IL1RL2: variants seen among roughly 807,000 people sequenced by gnomAD.
IL1RL2 encodes interleukin 1 receptor like 2, also known as interleukin-1 receptor-like 2.
In IL1RL2, 68 loss-of-function variants were observed where a neutral mutation model predicts 66.8. That is an observed-to-expected ratio of 1.02 (90% confidence interval 0.84 to 1.25). IL1RL2 has a LOEUF of 1.25. IL1RL2 is among the 50% of genes most tolerant of loss of function. IL1RL2 has a pLI of 0.00. For synonymous variants in IL1RL2, 305 were observed against 264.6 expected (o/e 1.15, Z -1.48); for missense variants, 729 against 709.3 (o/e 1.03, Z -0.32).
chr2:102,195,627 T>TTCTTTCTCTC (rs1559530270), intron 4 of IL1RL2, among the ~76,000 whole-genome samples: 19 of 14,622 alleles, frequency 1.3e-3, no homozygotes, highest in Non-Finnish European at 2.3e-3. Context: ...CTTTCTTTCT[T>TTCTTTCTCTC]TCTCTCTCTC....
chr2:102,205,309 A>C (rs1363601331), intron 5 of IL1RL2, among the ~76,000 whole-genome samples: 1 of 152,080 alleles, frequency 6.6e-6, no homozygotes, highest in African/African-American at 2.4e-5. Flanking sequence ...TACAGTGTTA[A>C]AATATTCTGT....
intron 5 of IL1RL2, among the ~76,000 whole-genome samples, chr2:102,211,769 A>G (rs1422019423): frequency 6.6e-6 from 1 of 152,214 alleles, no homozygotes; most frequent in Non-Finnish European, 1.5e-5. Context: ...GCCTTTGTCT[A>G]TAGCCACTGC....
chr2:102,203,357 G>A (rs1164170117), intron 5 of IL1RL2, among the ~76,000 whole-genome samples: 2 of 141,438 alleles, frequency 1.4e-5, no homozygotes, highest in Non-Finnish European at 3.1e-5. Context: ...TTTTTTTTTT[G>A]ATGTGTCTTT....
chr2:102,225,856 T>C, intron 8 of IL1RL2, 42 bp from the exon 9 acceptor site: 1 of 1,413,362 alleles, frequency 7.1e-7, no homozygotes, highest in Non-Finnish European at 9.4e-7. Flanking sequence ...TGTTTCATTA[T>C]TATAATTATA....
chr2:102,219,385 A>T (rs1478141626), intron 7 of IL1RL2, among the ~76,000 whole-genome samples: 1 of 152,238 alleles, frequency 6.6e-6, no homozygotes, highest in African/African-American at 2.4e-5. Flanking sequence ...AATGACACAA[A>T]TGTGTATATT....
chr2:102,218,965 T>C lies in IL1RL2; in HGVS notation c.737T>C (p.Ile246Thr), dbSNP rs750342750. 2.5e-6 allele frequency: 4 copies of C among 1,613,104 alleles called. No individual in the cohort carries two copies. The highest frequency in any genetic ancestry group is 3.4e-6 in the Non-Finnish European group (4 of 1,179,292). Residue 246 changes from isoleucine (I) to threonine (T), a missense_variant, in exon 7 of 12, where the codon ATT becomes ACT. Ile to Thr is a moderately conservative substitution (Grantham distance 89, BLOSUM62 -1). Transcript: ENST00000264257. ...TGGTTTTTTTTAGGTACCACTCTGA[T>C]TGTGGACTGCAATGTAACAGACACC... ...SIEVQLGTTL[I>T]VDCNVTDTKD...
intron 9 of IL1RL2, among the ~76,000 whole-genome samples, chr2:102,227,025 C>A (rs1690680103): frequency 6.6e-6 from 1 of 152,210 alleles, no homozygotes; most frequent in Admixed American, 6.5e-5. Context: ...TCAGTGTGAT[C>A]CTGACTCTCT....
intron 2 of IL1RL2, 67 bp from the exon 3 acceptor site, chr2:102,189,009 C>G: frequency 8.3e-7 from 1 of 1,204,820 alleles, no homozygotes; most frequent in East Asian, 2.4e-5. Context: ...TTTAAAAAAA[C>G]TAACAGTAAA....
intron 4 of IL1RL2, among the ~76,000 whole-genome samples, chr2:102,194,162 C>T (rs1261911950): frequency 6.6e-6 from 1 of 152,144 alleles, no homozygotes; most frequent in Non-Finnish European, 1.5e-5. Flanking sequence ...ATAACCACTT[C>T]CCTGATTTAT....
At chr2:102,218,589 C>A (rs926338708) in intron 6 of IL1RL2, among the ~76,000 whole-genome samples, 16 of 152,212 alleles carry the variant, frequency 1.1e-4, no homozygotes, top group African/African-American at 2.4e-5. Context: ...AGCCCCTCCC[C>A]TTTTCCTGCC....
chr2:102,212,445 A>C (rs1689254875), intron 6 of IL1RL2, among the ~76,000 whole-genome samples: 1 of 152,242 alleles, frequency 6.6e-6, no homozygotes, highest in Non-Finnish European at 1.5e-5. Flanking sequence ...AAAGGCAATG[A>C]AAATGCAAAT....
intron 2 of IL1RL2, 68 bp from the exon 3 acceptor site, chr2:102,189,008 A>G (rs575765391): frequency 0.011 from 13,617 of 1,199,654 alleles, 264 homozygotes; most frequent in African/African-American, 0.076. Context: ...ATTTAAAAAA[A>G]CTAACAGTAA....
chr2:102,233,142 T>C lies in IL1RL2; in HGVS notation c.1297+18T>C. On this transcript the variant is annotated intron_variant, in intron 10 of 11. Coordinates refer to ENST00000264257, the MANE Select transcript of IL1RL2 (RefSeq NM_003854.4). ...TGGACAAGGTGGGTTTTAAGTGAGG[T>C]GTAAAAATAACAAATAAAAGAAGGA... is the stretch of plus-strand genomic sequence containing the variant. 2 of 1,593,836 alleles carry C rather than the reference T, an allele frequency of 1.3e-6. No individual in the cohort carries two copies. The highest frequency in any genetic ancestry group is 8.6e-7 in the Non-Finnish European group (1 of 1,165,188).
chr2:102,195,940 C>T (rs1687747086), intron 4 of IL1RL2, among the ~76,000 whole-genome samples: 1 of 152,016 alleles, frequency 6.6e-6, no homozygotes, highest in South Asian at 2.1e-4. Flanking sequence ...TCTCAAACTA[C>T]TGACCTCAGA....
chr2:102,207,185 A>T (rs1688778211), intron 5 of IL1RL2, among the ~76,000 whole-genome samples: 1 of 151,852 alleles, frequency 6.6e-6, no homozygotes, highest in African/African-American at 2.4e-5. Flanking sequence ...AGTGCCATCC[A>T]AGATTCAAGT....
At chr2:102,201,456 A>G in intron 4 of IL1RL2, 100 bp from the exon 5 acceptor site, 2 of 1,031,406 alleles carry the variant, frequency 1.9e-6, no homozygotes, top group Non-Finnish European at 3.0e-6. Flanking sequence ...CTAGCTAGCT[A>G]TCTGTTGTCT....
At chr2:102,228,686 G>T (rs1690854449) in intron 9 of IL1RL2, among the ~76,000 whole-genome samples, 2 of 152,166 alleles carry the variant, frequency 1.3e-5, no homozygotes, top group Non-Finnish European at 2.9e-5. Context: ...TGATCAAAGG[G>T]AAACCAAGGG....
At chr2:102,224,038 G>A (rs1690380493) in intron 8 of IL1RL2, among the ~76,000 whole-genome samples, 1 of 152,168 alleles carries the variant, frequency 6.6e-6, no homozygotes, top group South Asian at 2.1e-4. Context: ...TGTATTTAAA[G>A]ATGTGCAATA....
downstream of IL1RL2, among the ~76,000 whole-genome samples, chr2:102,242,010 A>G (rs933080971): frequency 1.3e-5 from 2 of 152,248 alleles, no homozygotes; most frequent in Non-Finnish European, 2.9e-5. Context: ...AAGACTGCCC[A>G]TGAGTGAAGT....
Sources: allele counts gnomAD v4.1 joint callset (sites outside exome capture counted in the v4.1 genomes callset), GRCh38; gene constraint gnomAD v4.1.1; transcripts MANE v1.5; gene names NCBI Gene and HGNC (gene_info 2026-07-23, HGNC 2026-07-21).